Variants in ARGLU1 observed in about 807,000 individuals in gnomAD.
ARGLU1 encodes arginine and glutamate-rich protein 1.
ARGLU1 carries 9 observed loss-of-function variants against 37.6 expected under a neutral mutation model. The observed-to-expected ratio is 0.24, with a 90% confidence interval of 0.14 to 0.42. The LOEUF (loss-of-function observed/expected upper bound fraction) is 0.42. ARGLU1 is among the 10% of genes least tolerant of loss of function. The pLI is 1.00. For missense variants in ARGLU1, 211 were observed against 359.2 expected, an observed-to-expected ratio of 0.59 and a Z score of 3.34; for synonymous variants, 166 against 138.5, an observed-to-expected ratio of 1.20 and a Z score of -1.39.
At chr13:106,548,840 C>G (rs576643969) in intron 3 of ARGLU1, among the ~76,000 whole-genome samples, 7 of 152,300 alleles carry the variant, frequency 4.6e-5, no homozygotes, top group African/African-American at 1.7e-4. Context: ...CCTCCGCCTC[C>G]CGGGTTCATG....
chr13:106,554,962 G>A (rs977605069), intron 3 of ARGLU1, among the ~76,000 whole-genome samples: 5 of 152,076 alleles, frequency 3.3e-5, no homozygotes, highest in Non-Finnish European at 5.9e-5. Flanking sequence ...AAGCAAACAT[G>A]TTAAATATGT....
intron 1 of ARGLU1, among the ~76,000 whole-genome samples, chr13:106,561,636 C>A (rs866308047): frequency 6.6e-6 from 1 of 152,114 alleles, no homozygotes; most frequent in African/African-American, 2.4e-5. Context: ...TAAAATTCCA[C>A]ACAAAGTAGA....
intron 3 of ARGLU1, among the ~76,000 whole-genome samples, chr13:106,546,191 T>C (rs772607465): frequency 2.8e-4 from 43 of 152,190 alleles, no homozygotes; most frequent in Non-Finnish European, 5.3e-4. Context: ...ATGGTGCCCG[T>C]TTCCAGTGTG....
chr13:106,561,028 G>C (rs1403093505), intron 1 of ARGLU1, among the ~76,000 whole-genome samples: 4 of 152,136 alleles, frequency 2.6e-5, no homozygotes, highest in African/African-American at 9.7e-5. Flanking sequence ...ATTCATTTCA[G>C]TTTCTACATT....
chr13:106,543,825 GAAAAAAAA>G lies in ARGLU1; in HGVS notation c.*163_*170del, dbSNP rs11349875. On this transcript the variant is annotated 3_prime_UTR_variant, in exon 4 of 4. Transcript: ENST00000400198. ...TGATAAGGATTTGACTTAGTGGAAGGAAAAAAAAAAAAAAAAAGGGAATTGCAGAGCAT... is the reference window on the plus strand; with the variant it reads ...TGATAAGGATTTGACTTAGTGGAAGGAAAAAAAAAGGGAATTGCAGAGCAT... 2.4e-6 allele frequency: 1 copy of G among 408,842 alleles called. No homozygotes were observed. The allele number at this position is 408,842 out of a possible 1,614,324, so 25.3% of individuals were successfully genotyped here. A position where few individuals can be genotyped will look rare whatever the true frequency, so the allele number is the denominator to read the frequency against.
At chr13:106,555,931 T>C (rs1566473276) in intron 3 of ARGLU1, among the ~76,000 whole-genome samples, 1 of 152,158 alleles carries the variant, frequency 6.6e-6, no homozygotes, top group Non-Finnish European at 1.5e-5. Flanking sequence ...GTCAACCATA[T>C]TTTTTTCTTC....
intron 3 of ARGLU1, among the ~76,000 whole-genome samples, chr13:106,554,503 C>A (rs541767954): frequency 2.6e-5 from 4 of 152,236 alleles, no homozygotes; most frequent in African/African-American, 7.2e-5. Flanking sequence ...CAACGTGTAC[C>A]GTGCCATCTT....
chr13:106,560,056 G>A (rs568502662), intron 1 of ARGLU1, among the ~76,000 whole-genome samples: 2 of 152,268 alleles, frequency 1.3e-5, no homozygotes, highest in South Asian at 4.1e-4. Flanking sequence ...CTACAGAGAA[G>A]GAGAAATTAT....
At chr13:106,553,495 C>A (rs1368012206) in intron 3 of ARGLU1, among the ~76,000 whole-genome samples, 1 of 152,116 alleles carries the variant, frequency 6.6e-6, no homozygotes, top group African/African-American at 2.4e-5. Context: ...TTTATATTTA[C>A]TGATTTACTG....
rs577677434 is a variant in ARGLU1 at position 106,541,881 on chromosome 13, T to C, written c.*2115A>G. On this transcript the variant is annotated 3_prime_UTR_variant, in exon 4 of 4. Transcript: ENST00000400198. The stretch of plus-strand genomic sequence containing the variant: ...GACTGGGGGAAATTTTTAAGTTTTC[T>C]ATGTACACAAAGGCAGTGGGAACAA... 14 of 152,328 alleles carry C rather than the reference T, an allele frequency of 9.2e-5. No homozygotes were observed. Among genetic ancestry groups the C allele is most frequent in the Non-Finnish European group, 2.1e-4 (14 of 68,010 alleles). The allele number at this position is 152,328 out of a possible 1,614,324, so 9.4% of individuals were successfully genotyped here. A position where few individuals can be genotyped will look rare whatever the true frequency, so the allele number is the denominator to read the frequency against.
rs543966013 is a variant in ARGLU1, at chr13:106,549,057, C to T, written c.658-4897G>A. On this transcript the variant is annotated intron_variant, in intron 3 of 3. Transcript: ENST00000400198. ...TGAGCCACTGTGCCCGGCCTCTGCCCTACCGTCTTTACCCAGAGGATCTAC... is the reference window on the plus strand; with the variant it reads ...TGAGCCACTGTGCCCGGCCTCTGCCTTACCGTCTTTACCCAGAGGATCTAC... 5.9e-5 allele frequency among the ~76,000 whole-genome samples: 9 copies of T among 152,294 alleles called. No individual in the cohort carries two copies. The South Asian group carries it at 1.9e-3, about 32-fold the overall frequency.
chr13:106,552,448 G>T (rs899422919), intron 3 of ARGLU1, among the ~76,000 whole-genome samples: 1 of 152,186 alleles, frequency 6.6e-6, no homozygotes, highest in Non-Finnish European at 1.5e-5. Flanking sequence ...GTTTACACCA[G>T]ATTCACTAGC....
intron 1 of ARGLU1, among the ~76,000 whole-genome samples, chr13:106,560,269 G>A (rs1164971239): frequency 6.6e-6 from 1 of 152,138 alleles, no homozygotes; most frequent in Non-Finnish European, 1.5e-5. Context: ...TCAATTAAAA[G>A]CTCCTCTAGA....
intron 1 of ARGLU1, among the ~76,000 whole-genome samples, chr13:106,564,385 G>C (rs768613594): frequency 1.3e-5 from 2 of 152,026 alleles, no homozygotes; most frequent in African/African-American, 4.8e-5. Context: ...TTAAAAACAA[G>C]GTTAGAGGGA....
chr13:106,556,671 C>T (rs549051558), intron 3 of ARGLU1, among the ~76,000 whole-genome samples: 1 of 152,264 alleles, frequency 6.6e-6, no homozygotes, highest in East Asian at 1.9e-4. Context: ...CTCCTGGTAA[C>T]AAGCCAACTA....
intron 1 of ARGLU1, chr13:106,562,006 T>G (rs9514548): frequency 1.3e-5 from 2 of 151,994 alleles, no homozygotes; most frequent in African/African-American, 4.8e-5. Flanking sequence ...AAGTGGAAAG[T>G]CCCACGCTCA....
At chr13:106,548,166 AT>A (rs1281858338) in intron 3 of ARGLU1, among the ~76,000 whole-genome samples, 1 of 152,172 alleles carries the variant, frequency 6.6e-6, no homozygotes, top group Non-Finnish European at 1.5e-5. Context: ...ATAAATCTTA[AT>A]TACACTTTGA....
chr13:106,563,086 C>T (rs1254673528), intron 1 of ARGLU1, among the ~76,000 whole-genome samples: 2 of 151,312 alleles, frequency 1.3e-5, no homozygotes, highest in Admixed American at 6.6e-5. Context: ...TACAGCACTT[C>T]GGCACTGTTA....
chr13:106,545,356 CCATT>C (rs1415748576), intron 3 of ARGLU1, among the ~76,000 whole-genome samples: 2 of 152,130 alleles, frequency 1.3e-5, no homozygotes, highest in Non-Finnish European at 2.9e-5. Context: ...CTACCTATTC[CCATT>C]CAAAGTCAAA....
Sources: gnomAD v4.1 joint callset for allele counts (sites outside exome capture counted in the v4.1 genomes callset) on GRCh38, gnomAD v4.1.1 for gene constraint, MANE v1.5 for transcripts, NCBI Gene and HGNC (gene_info 2026-07-23, HGNC 2026-07-21) for gene names.